The following FRAS1 variants were observed in gnomAD, a reference collection of about 807,000 sequenced individuals.
FRAS1 encodes the protein Fraser extracellular matrix complex subunit 1.
FRAS1 carries 290 observed loss-of-function variants against 435.2 expected under a neutral mutation model. That is an observed-to-expected ratio of 0.67 (90% CI 0.61 to 0.73). The LOEUF is 0.73. Among genes scored for constraint, FRAS1 ranks in the 30% least tolerant of loss-of-function variants. FRAS1 has a pLI of 0.00. For synonymous variants in FRAS1, 1,800 were observed against 1,851.0 expected (o/e 0.97, Z 0.71); for missense variants, 4,860 against 5,001.5 (o/e 0.97, Z 0.85).
intron 29 of FRAS1, among the ~76,000 whole-genome samples, chr4:78,396,042 T>C (rs1341190380): frequency 6.6e-6 from 1 of 152,100 alleles, no homozygotes; most frequent in Admixed American, 6.6e-5. Flanking sequence ...TTCATCATGA[T>C]TGCCATGAGG....
intron 2 of FRAS1, among the ~76,000 whole-genome samples, chr4:78,157,225 T>C (rs933068546): frequency 3.3e-5 from 5 of 152,350 alleles, no homozygotes; most frequent in African/African-American, 4.8e-5. Context: ...CAGTTCACCA[T>C]TGATGGGCAC....
At chr4:78,433,301 T>C (rs1734285233) in intron 38 of FRAS1, among the ~76,000 whole-genome samples, 1 of 152,222 alleles carries the variant, frequency 6.6e-6, no homozygotes, top group Non-Finnish European at 1.5e-5. Context: ...TTTACAGTTA[T>C]GTATGTTGTA....
chr4:78,466,443 G>T lies in FRAS1; in HGVS notation c.7257+8G>T, dbSNP rs759518022. The T allele has an allele frequency of 6.2e-7, 1 of 1,602,844 alleles. No individual in the cohort carries two copies. The highest frequency in any genetic ancestry group is 8.5e-7 in the Non-Finnish European group (1 of 1,171,408). ...GAGGAAGGGGGAAAAGAGGTGAGGG[G>T]TGAGGACACTGGAGGAGGTAGCCTA... is the stretch of plus-strand genomic sequence containing the variant. On this transcript the variant is annotated splice_region_variant and intron_variant, in intron 50 of 73. Coordinates refer to ENST00000512123, the MANE Select transcript of FRAS1 (RefSeq NM_025074.7).
At chr4:78,170,361 A>G (rs1721502105) in intron 2 of FRAS1, among the ~76,000 whole-genome samples, 1 of 152,184 alleles carries the variant, frequency 6.6e-6, no homozygotes, top group Non-Finnish European at 1.5e-5. Flanking sequence ...AGGTTAGCCA[A>G]CAACCGGTAG....
chr4:78,151,958 G>A (rs1720681854), intron 2 of FRAS1, among the ~76,000 whole-genome samples: 1 of 152,094 alleles, frequency 6.6e-6, no homozygotes, highest in Non-Finnish European at 1.5e-5. Context: ...TAATTTTTAA[G>A]GCAGTGCGTG....
At chr4:78,113,816 GA>G (rs1742925956) in intron 2 of FRAS1, among the ~76,000 whole-genome samples, 1 of 152,198 alleles carries the variant, frequency 6.6e-6, no homozygotes, top group Non-Finnish European at 1.5e-5. Flanking sequence ...TTGCTGTGCA[GA>G]AGTTCTTTAG....
At chr4:78,277,822 T>C (rs2110173607) in intron 9 of FRAS1, among the ~76,000 whole-genome samples, 1 of 152,200 alleles carries the variant, frequency 6.6e-6, no homozygotes, top group South Asian at 2.1e-4. Flanking sequence ...CTTATAATTT[T>C]TTTTTTTTTG....
intron 2 of FRAS1, among the ~76,000 whole-genome samples, chr4:78,229,013 G>T (rs558780749): frequency 6.6e-6 from 1 of 152,152 alleles, no homozygotes; most frequent in African/African-American, 2.4e-5. Flanking sequence ...TACCATTTTA[G>T]CATTGCTACC....
intron 2 of FRAS1, among the ~76,000 whole-genome samples, chr4:78,195,892 G>A (rs1227016978): frequency 6.6e-6 from 1 of 150,558 alleles, no homozygotes; most frequent in East Asian, 2.0e-4. Context: ...GACTGGACCT[G>A]TTCCTATTCG....
At chr4:78,150,676 T>C (rs1360881469) in intron 2 of FRAS1, among the ~76,000 whole-genome samples, 1 of 152,176 alleles carries the variant, frequency 6.6e-6, no homozygotes, top group Non-Finnish European at 1.5e-5. Context: ...GAAAAGTTAA[T>C]AGTATCCAGA....
At chr4:78,422,037 C>T (rs1338095740) in intron 34 of FRAS1, 37 bp downstream of exon 34, 2 of 1,572,188 alleles carry the variant, frequency 1.3e-6, no homozygotes, top group Non-Finnish European at 8.6e-7. Flanking sequence ...CACCCAACTG[C>T]TCTCTGTGGC....
In FRAS1 at chr4:78,481,887, C is replaced by A. The variant is rs535889225; in HGVS notation, c.8527C>A (p.Pro2843Thr). The A allele has an allele frequency of 2.8e-5, 45 of 1,613,868 alleles. No homozygotes were observed. The South Asian group carries it at 4.6e-4, about 17-fold the overall frequency. ...CTGGTGTGCAACGCGGCCCTCAGAC[C>A]CAGCTTCTGCCACACCAGGAGTTGA... is the stretch of plus-strand genomic sequence containing the variant. ...SVWCATRPSD[P>T]ASATPGVDYV... is the part of the protein sequence containing the mutation. The change falls in exon 57 of 74, where the codon CCA (proline) becomes ACA (threonine). Residue 2843 changes from proline (P) to threonine (T), a missense_variant. Physicochemically the swap from Pro to Thr is conservative, Grantham distance 38. Coordinates refer to ENST00000512123, the MANE Select transcript of FRAS1 (RefSeq NM_025074.7).
intron 72 of FRAS1, 89 bp from the exon 73 acceptor site, chr4:78,539,205 G>A (rs1470284508): frequency 2.3e-6 from 3 of 1,280,256 alleles, no homozygotes; most frequent in Non-Finnish European, 3.3e-6. Context: ...CAGGAGTGAT[G>A]AGTACTTTTC....
intron 2 of FRAS1, among the ~76,000 whole-genome samples, chr4:78,219,850 A>G (rs529428859): frequency 6.6e-6 from 1 of 152,172 alleles, no homozygotes; most frequent in Non-Finnish European, 1.5e-5. Context: ...GCAGAAAAAA[A>G]CTTGTTTTGC....
chr4:78,237,650 G>C (rs1724821474), intron 3 of FRAS1, 33 bp downstream of exon 3: 9 of 1,272,658 alleles, frequency 7.1e-6, no homozygotes, highest in Non-Finnish European at 9.8e-6. Flanking sequence ...TAAATGTATT[G>C]GTAAAGTCAG....
intron 2 of FRAS1, among the ~76,000 whole-genome samples, chr4:78,124,319 A>G (rs1484566024): frequency 6.6e-6 from 1 of 152,224 alleles, no homozygotes; most frequent in Non-Finnish European, 1.5e-5. Flanking sequence ...CCCAGGGATG[A>G]AGCCAACTTG....
At chr4:78,097,290 C>T (rs1405116486) in intron 2 of FRAS1, among the ~76,000 whole-genome samples, 1 of 152,160 alleles carries the variant, frequency 6.6e-6, no homozygotes, top group African/African-American at 2.4e-5. Context: ...CTAGGGAGTT[C>T]CAAACTTTCT....
intron 14 of FRAS1, among the ~76,000 whole-genome samples, chr4:78,304,532 AC>A (rs1728601582): frequency 6.6e-6 from 1 of 152,114 alleles, no homozygotes; most frequent in African/African-American, 2.4e-5. Flanking sequence ...GATTATTGCC[AC>A]AATTTCAGCT....
chr4:78,379,791 C>G lies in FRAS1; in HGVS notation c.3358C>G (p.Pro1120Ala). 1 of 1,613,710 alleles carries G rather than the reference C, an allele frequency of 6.2e-7. No individual in the cohort carries two copies. The highest frequency in any genetic ancestry group is 8.5e-7 in the Non-Finnish European group (1 of 1,179,774). The change falls in exon 27 of 74, where the codon CCA (proline) becomes GCA (alanine). Residue 1120 changes from proline to alanine, a missense_variant. By Grantham distance (27) the Pro-to-Ala change is conservative. Transcript: ENST00000512123. ...GATCCTCCCAATTGGTTCAATAAAGCCACTGGATTTTTCCCTCCTGAATGT... is the reference window on the plus strand; with the variant it reads ...GATCCTCCCAATTGGTTCAATAAAGGCACTGGATTTTTCCCTCCTGAATGT... ...SLILPIGSIK[P>A]LDFSLLNVQD...
Sources: gnomAD v4.1 joint callset for allele counts (sites outside exome capture counted in the v4.1 genomes callset) on GRCh38, gnomAD v4.1.1 for gene constraint, MANE v1.5 for transcripts, NCBI Gene and HGNC (gene_info 2026-07-23, HGNC 2026-07-21) for gene names.